SLC24A3: variants seen among roughly 807,000 people sequenced by gnomAD.
SLC24A3 encodes sodium/potassium/calcium exchanger 3.
Under a neutral mutation model 75.8 loss-of-function variants are expected in SLC24A3, and 28 were observed. That is an observed-to-expected ratio of 0.37 (90% CI 0.27 to 0.51). SLC24A3 has a LOEUF of 0.51. Among genes scored for constraint, SLC24A3 ranks in the 20% least tolerant of loss-of-function variants. The pLI, the probability that SLC24A3 is intolerant of heterozygous loss-of-function variation, is 0.94. For synonymous variants in SLC24A3, 372 were observed against 334.1 expected, an observed-to-expected ratio of 1.11 and a Z score of -1.24; for missense variants, 663 against 847.8, an observed-to-expected ratio of 0.78 and a Z score of 2.71.
chr20:19,523,135 A>G (rs990732258), intron 3 of SLC24A3, among the ~76,000 whole-genome samples: 1 of 152,214 alleles, frequency 6.6e-6, no homozygotes, highest in Non-Finnish European at 1.5e-5. Flanking sequence ...TAGCATTTCT[A>G]TACACTAAAA....
At chr20:19,569,517 A>AT (rs1157916398) in intron 3 of SLC24A3, among the ~76,000 whole-genome samples, 3 of 151,638 alleles carry the variant, frequency 2.0e-5, no homozygotes, top group Non-Finnish European at 2.9e-5. Context: ...CCCCTCTCCC[A>AT]TTCTCCATTC....
chr20:19,662,894 T>C (rs1341668180), intron 7 of SLC24A3, among the ~76,000 whole-genome samples: 1 of 152,200 alleles, frequency 6.6e-6, no homozygotes, highest in East Asian at 1.9e-4. Flanking sequence ...TCCATCAAGA[T>C]GGTCCAGCAA....
chr20:19,400,460 C>A (rs1986531063), intron 2 of SLC24A3, among the ~76,000 whole-genome samples: 1 of 152,192 alleles, frequency 6.6e-6, no homozygotes, highest in South Asian at 2.1e-4. Flanking sequence ...CTGTTGAGAA[C>A]AGGCACTATT....
intron 1 of SLC24A3, among the ~76,000 whole-genome samples, chr20:19,222,502 G>T (rs192338570): frequency 6.6e-6 from 1 of 152,232 alleles, no homozygotes; most frequent in East Asian, 1.9e-4. Flanking sequence ...GGGGTGGTCA[G>T]TTTTCCCAGA....
intron 2 of SLC24A3, among the ~76,000 whole-genome samples, chr20:19,397,611 G>A (rs184817391): frequency 1.1e-4 from 16 of 143,936 alleles, no homozygotes; most frequent in Admixed American, 8.2e-4. Flanking sequence ...TCAAAATGTG[G>A]TTATAAAGGA....
chr20:19,304,565 T>C (rs1426868134), intron 2 of SLC24A3, among the ~76,000 whole-genome samples: 4 of 152,164 alleles, frequency 2.6e-5, no homozygotes, highest in Non-Finnish European at 2.9e-5. Flanking sequence ...TCCTTGTACA[T>C]TGGGTTGTTG....
At chr20:19,441,995 T>G (rs1319833971) in intron 2 of SLC24A3, among the ~76,000 whole-genome samples, 8 of 152,204 alleles carry the variant, frequency 5.3e-5, no homozygotes, top group Non-Finnish European at 8.8e-5. Flanking sequence ...CTTAGTAATA[T>G]GTGTTTAAAG....
At chr20:19,717,794 C>T (rs1247613556) in intron 16 of SLC24A3, among the ~76,000 whole-genome samples, 1 of 152,144 alleles carries the variant, frequency 6.6e-6, no homozygotes, top group African/African-American at 2.4e-5. Flanking sequence ...GCCAGCCTTC[C>T]TCTCAAAGGC....
At chr20:19,717,874 A>G (rs2033059949) in intron 16 of SLC24A3, among the ~76,000 whole-genome samples, 1 of 152,254 alleles carries the variant, frequency 6.6e-6, no homozygotes, top group African/African-American at 2.4e-5. Context: ...TTTGTCTGCA[A>G]TATGAGTCAT....
At chr20:19,304,819 C>A (rs1324071121) in intron 2 of SLC24A3, among the ~76,000 whole-genome samples, 2 of 152,180 alleles carry the variant, frequency 1.3e-5, no homozygotes, top group African/African-American at 2.4e-5. Flanking sequence ...GGAAAGGAGT[C>A]ATGAAAAGTC....
At chr20:19,550,171 C>T (rs533090720) in intron 3 of SLC24A3, among the ~76,000 whole-genome samples, 5 of 152,258 alleles carry the variant, frequency 3.3e-5, no homozygotes, top group Non-Finnish European at 7.4e-5. Context: ...TGTTCTGAAA[C>T]TTACTTTCTG....
chr20:19,353,180 A>AT (rs1985608485), intron 2 of SLC24A3, among the ~76,000 whole-genome samples: 1 of 152,190 alleles, frequency 6.6e-6, no homozygotes, highest in Non-Finnish European at 1.5e-5. Context: ...CAAAAGATGC[A>AT]TTTTTCAGAA....
At chr20:19,671,893 G>A (rs575212968) in intron 8 of SLC24A3, among the ~76,000 whole-genome samples, 7 of 152,116 alleles carry the variant, frequency 4.6e-5, no homozygotes, top group Non-Finnish European at 1.0e-4. Flanking sequence ...ATAATGAGAG[G>A]ATGAACTGAA....
chr20:19,230,948 A>C (rs577112259), intron 1 of SLC24A3, among the ~76,000 whole-genome samples: 1 of 152,362 alleles, frequency 6.6e-6, no homozygotes, highest in East Asian at 1.9e-4. Context: ...GTTACAAAGA[A>C]AAAGAAATTG....
chr20:19,544,591 A>G (rs973609368), intron 3 of SLC24A3, among the ~76,000 whole-genome samples: 1 of 151,272 alleles, frequency 6.6e-6, no homozygotes, highest in Non-Finnish European at 1.5e-5. Flanking sequence ...GCTCATCATA[A>G]CACCCACTCT....
chr20:19,416,444 T>C (rs1057383758), intron 2 of SLC24A3, among the ~76,000 whole-genome samples: 6 of 152,272 alleles, frequency 3.9e-5, no homozygotes, highest in African/African-American at 1.4e-4. Context: ...ATTGTCCTTC[T>C]GCTGAGCTCA....
At chr20:19,485,780 A>G (rs1368175994) in intron 2 of SLC24A3, among the ~76,000 whole-genome samples, 2 of 152,196 alleles carry the variant, frequency 1.3e-5, no homozygotes, top group Non-Finnish European at 2.9e-5. Context: ...ACCTGCTCCA[A>G]GGATCTTACT....
At chr20:19,344,939 G>A (rs762383560) in intron 2 of SLC24A3, among the ~76,000 whole-genome samples, 4 of 152,144 alleles carry the variant, frequency 2.6e-5, no homozygotes, top group Non-Finnish European at 4.4e-5. Context: ...AAAAATGTCC[G>A]TTCTCATCAT....
intron 2 of SLC24A3, among the ~76,000 whole-genome samples, chr20:19,369,181 T>C (rs1412537479): frequency 6.6e-6 from 1 of 152,370 alleles, no homozygotes; most frequent in Middle Eastern, 3.4e-3. Flanking sequence ...GTAGTAACTT[T>C]GCAGTGGAGG....
Sources: allele counts gnomAD v4.1 joint callset (sites outside exome capture counted in the v4.1 genomes callset), GRCh38; gene constraint gnomAD v4.1.1; transcripts MANE v1.5; gene names NCBI Gene and HGNC (gene_info 2026-07-23, HGNC 2026-07-21).